The following HECW2 variants were observed in gnomAD, a reference collection of about 807,000 sequenced individuals.
HECW2 encodes HECT, C2 and WW domain containing E3 ubiquitin protein ligase 2.
A neutral mutation model predicts 175.2 loss-of-function variants in HECW2; 61 were observed. The observed-to-expected ratio is 0.35, with a 90% confidence interval of 0.28 to 0.43. The LOEUF is 0.43. Ranked by LOEUF, HECW2 falls within the 20% of genes least tolerant of loss-of-function variation. The probability of loss-of-function intolerance (pLI) is 1.00; values close to 1 mark genes in which losing one functional copy is unlikely to be tolerated. For missense variants in HECW2, 1,524 were observed against 2,000.5 expected, an observed-to-expected ratio of 0.76 and a Z score of 4.54; for synonymous variants, 671 against 731.0, an observed-to-expected ratio of 0.92 and a Z score of 1.32.
At chr2:196,492,871 T>C (rs913816565) in intron 1 of HECW2, among the ~76,000 whole-genome samples, 1 of 152,222 alleles carries the variant, frequency 6.6e-6, no homozygotes, top group South Asian at 2.1e-4. Flanking sequence ...GACTCATTTT[T>C]TTTGACAAAA....
In HECW2 at chr2:196,196,489, A is replaced by G. The variant is rs1179094995; in HGVS notation, c.*4788T>C. The G allele has an allele frequency of 1.3e-5, 2 of 152,266 alleles. No individual in the cohort carries two copies. The highest frequency in any genetic ancestry group is 2.9e-5 in the Non-Finnish European group (2 of 68,090). The allele number at this position is 152,266 out of a possible 1,614,324, so 9.4% of individuals were successfully genotyped here. A position where few individuals can be genotyped will look rare whatever the true frequency, so the allele number is the denominator to read the frequency against. The stretch of plus-strand genomic sequence containing the variant: ...AGGTCCAGAGTGCTGTCCCTCACCT[A>G]CTAAATCAGAAAGCAGACAAAACAG... On this transcript the variant is annotated 3_prime_UTR_variant, in exon 29 of 29. Coordinates refer to ENST00000644978, the MANE Select transcript of HECW2 (RefSeq NM_001348768.2).
intron 17 of HECW2, among the ~76,000 whole-genome samples, chr2:196,270,007 A>G (rs1405726271): frequency 6.6e-6 from 1 of 152,208 alleles, no homozygotes; most frequent in South Asian, 2.1e-4. Context: ...TATTATATAA[A>G]GCTTCCCAGG....
chr2:196,465,996 A>G (rs1210067857), intron 1 of HECW2, among the ~76,000 whole-genome samples: 1 of 152,178 alleles, frequency 6.6e-6, no homozygotes, highest in Non-Finnish European at 1.5e-5. Flanking sequence ...GTTCACATCC[A>G]ATCCCATAAC....
chr2:196,228,522 T>C (rs1687934155), intron 21 of HECW2, among the ~76,000 whole-genome samples: 1 of 152,156 alleles, frequency 6.6e-6, no homozygotes, highest in Non-Finnish European at 1.5e-5. Flanking sequence ...TTCTAATACA[T>C]ACAATAGGCA....
intron 2 of HECW2, among the ~76,000 whole-genome samples, chr2:196,359,362 C>T (rs1024199515): frequency 2.0e-5 from 3 of 152,142 alleles, no homozygotes; most frequent in South Asian, 2.1e-4. Context: ...GCAGGAGAAT[C>T]GCTTGAACCT....
intron 13 of HECW2, among the ~76,000 whole-genome samples, chr2:196,295,254 T>C (rs1010878770): frequency 6.6e-6 from 1 of 152,002 alleles, no homozygotes. Context: ...AGTGATACCA[T>C]GAAAGCAGAG....
At chr2:196,285,603 A>C (rs1690356761) in intron 14 of HECW2, among the ~76,000 whole-genome samples, 1 of 152,194 alleles carries the variant, frequency 6.6e-6, no homozygotes, top group South Asian at 2.1e-4. Flanking sequence ...TCCAAATTAT[A>C]ACTCTCTTCT....
intron 1 of HECW2, among the ~76,000 whole-genome samples, chr2:196,567,741 T>C (rs537234187): frequency 2.0e-5 from 3 of 152,238 alleles, no homozygotes; most frequent in Non-Finnish European, 4.4e-5. Flanking sequence ...GCAAAAGTCA[T>C]AGTCTTCTTT....
At chr2:196,344,671 T>C (rs1279753306) in intron 2 of HECW2, among the ~76,000 whole-genome samples, 1 of 152,176 alleles carries the variant, frequency 6.6e-6, no homozygotes, top group African/African-American at 2.4e-5. Flanking sequence ...GGAGACAATT[T>C]GGAGTTTTAT....
intron 2 of HECW2, among the ~76,000 whole-genome samples, chr2:196,349,047 T>C (rs1041881337): frequency 6.6e-6 from 1 of 152,166 alleles, no homozygotes; most frequent in Non-Finnish European, 1.5e-5. Context: ...AGGGTTCTAC[T>C]CCCCCTTACA....
chr2:196,551,019 G>A (rs1477838303), intron 1 of HECW2, among the ~76,000 whole-genome samples: 1 of 152,164 alleles, frequency 6.6e-6, no homozygotes, highest in Admixed American at 6.5e-5. Flanking sequence ...ACAAGACAGT[G>A]CCAAACATTC....
chr2:196,397,027 G>A (rs1255921618), intron 2 of HECW2, among the ~76,000 whole-genome samples: 12 of 152,146 alleles, frequency 7.9e-5, no homozygotes, highest in African/African-American at 2.4e-4. Context: ...GCAGGAGAAG[G>A]AGTGAACCCG....
At chr2:196,542,472 G>GAA (rs1300906932) in intron 1 of HECW2, among the ~76,000 whole-genome samples, 1 of 152,076 alleles carries the variant, frequency 6.6e-6, no homozygotes, top group African/African-American at 2.4e-5. Context: ...ACTGACATGG[G>GAA]AAATTGCTCA....
chr2:196,250,071 T>C (rs1688799752), intron 19 of HECW2, among the ~76,000 whole-genome samples: 1 of 152,218 alleles, frequency 6.6e-6, no homozygotes, highest in Non-Finnish European at 1.5e-5. Flanking sequence ...TGCATGCCTT[T>C]AAAGAGCACG....
At chr2:196,539,916 A>C (rs1689153667) in intron 1 of HECW2, among the ~76,000 whole-genome samples, 2 of 152,236 alleles carry the variant, frequency 1.3e-5, no homozygotes, top group Non-Finnish European at 2.9e-5. Flanking sequence ...GAGAATTCCA[A>C]AACTGATACT....
chr2:196,514,230 A>C (rs1387202508), intron 1 of HECW2, among the ~76,000 whole-genome samples: 1 of 152,204 alleles, frequency 6.6e-6, no homozygotes, highest in Non-Finnish European at 1.5e-5. Flanking sequence ...GCCGAGTCTG[A>C]GCACTGTCAC....
intron 10 of HECW2, among the ~76,000 whole-genome samples, chr2:196,309,475 G>A (rs765078512): frequency 2.6e-5 from 4 of 152,124 alleles, no homozygotes; most frequent in Non-Finnish European, 2.9e-5. Context: ...AAGACCTCAC[G>A]CCCAGCCTGT....
At chr2:196,390,911 G>A (rs893182096) in intron 2 of HECW2, among the ~76,000 whole-genome samples, 1 of 152,136 alleles carries the variant, frequency 6.6e-6, no homozygotes, top group African/African-American at 2.4e-5. Flanking sequence ...CATTGTGCGA[G>A]CTCAATTTCC....
chr2:196,472,380 C>A (rs369592390), intron 1 of HECW2, among the ~76,000 whole-genome samples: 1 of 149,328 alleles, frequency 6.7e-6, no homozygotes, highest in Non-Finnish European at 1.5e-5. Flanking sequence ...CCCAGCTACT[C>A]GAGAGGCTGA....
Sources: allele counts gnomAD v4.1 joint callset (sites outside exome capture counted in the v4.1 genomes callset), GRCh38; gene constraint gnomAD v4.1.1; transcripts MANE v1.5; gene names NCBI Gene and HGNC (gene_info 2026-07-23, HGNC 2026-07-21).